Variants in TRPM3 observed in about 807,000 individuals in gnomAD.
TRPM3 encodes long transient receptor potential channel 3.
Under a neutral mutation model 181.2 loss-of-function variants are expected in TRPM3, and 77 were observed. The ratio of observed to expected loss-of-function variants is 0.42; its 90% CI spans 0.35 to 0.51. TRPM3 has a LOEUF of 0.51. Ranked by LOEUF, TRPM3 falls within the 20% of genes least tolerant of loss-of-function variation. TRPM3 has a pLI of 0.01. For synonymous variants in TRPM3, 745 were observed against 796.4 expected (o/e 0.94, Z 1.09); for missense variants, 1,759 against 2,196.7 (o/e 0.80, Z 3.98).
At chr9:71,113,764 T>A (rs2071677163) in intron 1 of TRPM3, among the ~76,000 whole-genome samples, 1 of 152,226 alleles carries the variant, frequency 6.6e-6, no homozygotes, top group South Asian at 2.1e-4. Context: ...AGTGCTCAAT[T>A]TTTAACAATA....
chr9:71,190,954 T>A lies in TRPM3; in HGVS notation c.183+255699A>T, dbSNP rs140307514. ...CTGTTTCACTAGACATAAGCTTCAA[T>A]CCAAGCAAAGCAATATTCATTTTCT... On this transcript the variant is annotated intron_variant, in intron 1 of 24. Transcript: ENST00000357533. Among the ~76,000 whole-genome samples, 189 of 151,946 alleles carry A rather than the reference T, an allele frequency of 1.2e-3. 2 individuals are homozygous for A. The highest frequency in any genetic ancestry group is 4.1e-3 in the African/African-American group (169 of 41,510).
chr9:70,792,633 G>GAGAGAA (rs1378706179), intron 6 of TRPM3, among the ~76,000 whole-genome samples: 1 of 146,434 alleles, frequency 6.8e-6, no homozygotes, highest in Non-Finnish European at 1.5e-5. Context: ...AGACAGGAGA[G>GAGAGAA]AGAGAAAGAG....
intron 1 of TRPM3, among the ~76,000 whole-genome samples, chr9:71,446,166 CAATT>C (rs2094200834): frequency 6.6e-6 from 1 of 152,152 alleles, no homozygotes; most frequent in Admixed American, 6.5e-5. Flanking sequence ...ATCCTGCAAA[CAATT>C]AAACGCTCCC....
At chr9:71,327,000 G>T (rs1463488248) in intron 1 of TRPM3, among the ~76,000 whole-genome samples, 1 of 152,184 alleles carries the variant, frequency 6.6e-6, no homozygotes, top group Admixed American at 6.5e-5. Flanking sequence ...AGATAAGGCT[G>T]CATGGACTGA....
rs538900640 is a variant in TRPM3 at position 71,089,759 on chromosome 9, A to G, written c.177+31419T>C. ...AGAAGAAGCTCAGTGTCTCGTGAGG[A>G]AGGCCACTCAGCGGATGTCCTGAGC... On this transcript the variant is annotated intron_variant, in intron 1 of 25. Coordinates refer to ENST00000677713, the MANE Select transcript of TRPM3 (RefSeq NM_001366145.2). 9.9e-5 allele frequency among the ~76,000 whole-genome samples: 15 copies of G among 152,216 alleles called. No homozygotes were observed. The South Asian group carries it at 2.9e-3, about 29-fold the overall frequency.
intron 1 of TRPM3, among the ~76,000 whole-genome samples, chr9:71,197,523 C>T (rs2078463384): frequency 6.6e-6 from 1 of 151,816 alleles, no homozygotes; most frequent in East Asian, 1.9e-4. Context: ...CACATCCTCT[C>T]CAGCACCTGT....
chr9:70,996,411 C>T (rs964354137), intron 1 of TRPM3, among the ~76,000 whole-genome samples: 8 of 152,214 alleles, frequency 5.3e-5, no homozygotes, highest in Non-Finnish European at 1.0e-4. Context: ...CTATGCCCAT[C>T]TCTGTCCACT....
intron 1 of TRPM3, among the ~76,000 whole-genome samples, chr9:70,907,348 C>T (rs543215395): frequency 7.7e-4 from 117 of 152,272 alleles, no homozygotes; most frequent in African/African-American, 2.7e-3. Flanking sequence ...CTATGTAGTG[C>T]CAGTTTTTAC....
Position 70,700,330 on chromosome 9 carries a change from A to G in TRPM3, c.1273-18752T>C, listed in dbSNP as rs151217283. On this transcript the variant is annotated intron_variant, in intron 8 of 25. Transcript: ENST00000677713. Reference sequence around the variant, plus strand: ...AGGAAAGCCAGGATGATTTGGGGGAAAGTGACAGGTTTATCAAGAGCTTCC... The same window carrying G: ...AGGAAAGCCAGGATGATTTGGGGGAGAGTGACAGGTTTATCAAGAGCTTCC... Among the ~76,000 whole-genome samples, 305 of 152,234 alleles carry G rather than the reference A, an allele frequency of 2.0e-3. 2 individuals carry two copies. The highest frequency in any genetic ancestry group is 3.2e-3 in the Non-Finnish European group (218 of 68,018).
In TRPM3 at chr9:70,951,893, G is replaced by A. The variant is rs565820559; in HGVS notation, c.178-87382C>T. Among the ~76,000 whole-genome samples, 311 of 152,310 alleles carry A rather than the reference G, an allele frequency of 2.0e-3. 1 individual carries two copies. The highest frequency in any genetic ancestry group is 7.0e-3 in the African/African-American group (291 of 41,576). On this transcript the variant is annotated intron_variant, in intron 1 of 25. Coordinates refer to ENST00000677713, the MANE Select transcript of TRPM3 (RefSeq NM_001366145.2). ...TAGAATTTCTGATCAACTGAACAGAGCTTTGCTCTGAAACTCAAGGCTGAC... is the reference window on the plus strand; with the variant it reads ...TAGAATTTCTGATCAACTGAACAGAACTTTGCTCTGAAACTCAAGGCTGAC...
intron 1 of TRPM3, among the ~76,000 whole-genome samples, chr9:70,904,116 G>A (rs562710205): frequency 6.6e-6 from 1 of 152,224 alleles, no homozygotes; most frequent in Admixed American, 6.5e-5. Flanking sequence ...CAACTACTCG[G>A]GCAGCTGAGG....
chr9:71,151,181 T>A (rs2075718647), intron 1 of TRPM3, among the ~76,000 whole-genome samples: 1 of 152,190 alleles, frequency 6.6e-6, no homozygotes. Flanking sequence ...AATTTTCTTC[T>A]TGGCAAAACA....
chr9:70,778,161 A>T (rs1377750048), intron 7 of TRPM3, among the ~76,000 whole-genome samples: 1 of 152,186 alleles, frequency 6.6e-6, no homozygotes, highest in Admixed American at 6.6e-5. Flanking sequence ...CTCAGCTTAG[A>T]TCCAGTTTTT....
chr9:71,190,768 G>A (rs998693510), intron 1 of TRPM3, among the ~76,000 whole-genome samples: 2 of 151,802 alleles, frequency 1.3e-5, no homozygotes, highest in African/African-American at 4.8e-5. Flanking sequence ...CATGTCCTCT[G>A]TTCTAATCCA....
At chr9:70,613,815 C>T (rs1347914218) in intron 18 of TRPM3, among the ~76,000 whole-genome samples, 1 of 152,124 alleles carries the variant, frequency 6.6e-6, no homozygotes, top group Non-Finnish European at 1.5e-5. Context: ...CTTATGGTGG[C>T]TTCTTGAAGG....
At chr9:71,223,052 T>G (rs1588027331) in intron 1 of TRPM3, among the ~76,000 whole-genome samples, 1 of 150,432 alleles carries the variant, frequency 6.6e-6, no homozygotes, top group African/African-American at 2.5e-5. Flanking sequence ...GGGCTGGGGG[T>G]GGTGGGCATG....
chr9:71,330,509 C>T (rs568232507), intron 1 of TRPM3, among the ~76,000 whole-genome samples: 5 of 151,800 alleles, frequency 3.3e-5, no homozygotes, highest in East Asian at 1.9e-4. Flanking sequence ...ATCACAATAT[C>T]CCTGAAATGT....
intron 1 of TRPM3, among the ~76,000 whole-genome samples, chr9:71,350,112 C>A (rs968849527): frequency 6.6e-6 from 1 of 151,756 alleles, no homozygotes; most frequent in East Asian, 1.9e-4. Context: ...CAAATGGATT[C>A]TTCTAAAATC....
chr9:71,120,913 C>T (rs1053114977), intron 1 of TRPM3, among the ~76,000 whole-genome samples: 3 of 151,764 alleles, frequency 2.0e-5, no homozygotes, highest in Admixed American at 2.0e-4. Context: ...GGTGGGGGAG[C>T]ACCAGGTAGC....
Sources: gnomAD v4.1 joint callset for allele counts (sites outside exome capture counted in the v4.1 genomes callset) on GRCh38, gnomAD v4.1.1 for gene constraint, MANE v1.5 for transcripts, NCBI Gene and HGNC (gene_info 2026-07-23, HGNC 2026-07-21) for gene names.